The following KDELR3 variants were observed in gnomAD, a reference collection of about 807,000 sequenced individuals.
KDELR3 encodes KDEL endoplasmic reticulum protein retention receptor 3, also known as ER lumen protein-retaining receptor 3.
Under a neutral mutation model 22.7 loss-of-function variants are expected in KDELR3, and 26 were observed. That is an observed-to-expected ratio of 1.15 (90% CI 0.84 to 1.59). The LOEUF is 1.59. Among genes scored for constraint, KDELR3 ranks in the 40% most tolerant of loss-of-function variants. The pLI, the probability that KDELR3 is intolerant of heterozygous loss-of-function variation, is 0.00. For missense variants in KDELR3, 289 were observed against 251.1 expected (o/e 1.15, Z -1.02); for synonymous variants, 120 against 98.2 (o/e 1.22, Z -1.31).
At chr22:38,479,497 G>C (rs1297590472) in intron 2 of KDELR3, 96 bp from the exon 3 acceptor site, 12 of 1,160,936 alleles carry the variant, frequency 1.0e-5, no homozygotes, top group African/African-American at 3.1e-5. Context: ...CATTATGGCA[G>C]AACACTGACC....
At chr22:38,474,290 A>T (rs2089543571) in intron 1 of KDELR3, 1 of 412,650 alleles carries the variant, frequency 2.4e-6, no homozygotes, top group African/African-American at 2.1e-5. Flanking sequence ...TCGTGTCTTT[A>T]TTTGGAGACT....
At chr22:38,482,436 G>C (rs2089610349) in intron 4 of KDELR3, 60 bp from the exon 5 acceptor site, 3 of 1,362,724 alleles carry the variant, frequency 2.2e-6, no homozygotes, top group Non-Finnish European at 3.2e-6. Flanking sequence ...TATGCATCAA[G>C]TTATAAAGCA....
In KDELR3 at chr22:38,481,382, T is replaced by C; in HGVS notation, c.522T>C (p.Asn174=). Reference sequence around the variant, plus strand: ...GGATCAGGCGGTACCAGACTGAGAATTTCTATGACCAAATTGCAGTCGTGT... The same window carrying C: ...GGATCAGGCGGTACCAGACTGAGAACTTCTATGACCAAATTGCAGTCGTGT... ...ANWIRRYQTE[N]FYDQIAVVSG... Residue 174 remains asparagine, a synonymous_variant, in exon 4 of 5, where the codon AAT becomes AAC. Transcript: ENST00000216014. The C allele has an allele frequency of 1.2e-6, 2 of 1,614,204 alleles. No homozygotes were observed. The highest frequency in any genetic ancestry group is 1.7e-6 in the Non-Finnish European group (2 of 1,180,036).
rs780968105 is a variant in KDELR3 at position 38,474,576 on chromosome 22, C to A, written c.145C>A (p.Leu49Met). Residue 49 changes from leucine to methionine, a missense_variant, in exon 2 of 5, where the codon CTG becomes ATG. Physicochemically the swap from Leu to Met is conservative, Grantham distance 15. Coordinates refer to ENST00000216014, the MANE Select transcript of KDELR3 (RefSeq NM_006855.4). ...LFALVFTTRYLDLFTNFISIY... is the reference protein window; with the variant it reads ...LFALVFTTRYMDLFTNFISIY... Reference sequence around the variant, plus strand: ...TGCTCTCGTCTTCACCACCAGGTACCTGGACCTGTTCACCAACTTCATCTC... The same window carrying A: ...TGCTCTCGTCTTCACCACCAGGTACATGGACCTGTTCACCAACTTCATCTC... The A allele has an allele frequency of 6.2e-7, 1 of 1,613,946 alleles. No homozygotes were observed. The highest frequency in any genetic ancestry group is 2.2e-5 in the East Asian group (1 of 44,876).
At position 38,474,512 on chromosome 22, in the gene KDELR3, C is replaced by G; in HGVS notation, c.92-11C>G. On this transcript the variant is annotated splice_polypyrimidine_tract_variant and intron_variant, in intron 1 of 4. Coordinates refer to ENST00000216014, the MANE Select transcript of KDELR3 (RefSeq NM_006855.4). Reference sequence around the variant, plus strand: ...GTGTCCTCATTGTCTCCTGTCTACCCTTGGCCACAGGCATCTCTGGGAAGA... The same window carrying G: ...GTGTCCTCATTGTCTCCTGTCTACCGTTGGCCACAGGCATCTCTGGGAAGA... The G allele has an allele frequency of 2.5e-6, 4 of 1,609,728 alleles. No individual in the cohort carries two copies. The highest frequency in any genetic ancestry group is 3.4e-6 in the Non-Finnish European group (4 of 1,176,450).
chr22:38,481,341 C>G lies in KDELR3; in HGVS notation c.481C>G (p.Leu161Val). ...YLFFLGLYRA[L>V]YLANWIRRYQ... is the part of the protein sequence containing the mutation. Reference sequence around the variant, plus strand: ...GTTCTTTCTGGGTCTGTACCGGGCACTCTACCTGGCTAACTGGATCAGGCG... The same window carrying G: ...GTTCTTTCTGGGTCTGTACCGGGCAGTCTACCTGGCTAACTGGATCAGGCG... Residue 161 changes from leucine (L) to valine (V), a missense_variant, in exon 4 of 5, where the codon CTC becomes GTC. Leu to Val is a conservative substitution (Grantham distance 32). Coordinates refer to ENST00000216014, the MANE Select transcript of KDELR3 (RefSeq NM_006855.4). The G allele has an allele frequency of 1.2e-6, 2 of 1,614,218 alleles. No individual in the cohort carries two copies. The highest frequency in any genetic ancestry group is 1.7e-6 in the Non-Finnish European group (2 of 1,180,048).
intron 1 of KDELR3, among the ~76,000 whole-genome samples, chr22:38,471,837 G>A (rs2089526913): frequency 6.6e-6 from 1 of 151,718 alleles, no homozygotes; most frequent in Non-Finnish European, 1.5e-5. Context: ...GGTAGCATGT[G>A]CCTGTAGTCC....
Position 38,482,568 on chromosome 22 carries a change from G to A in KDELR3, c.*32G>A. ...TCAGAGACAGTCTACGCCTTAACAA[G>A]CACATGAAGGAAACTATTTTGAATG... On this transcript the variant is annotated 3_prime_UTR_variant, in exon 5 of 5. Transcript: ENST00000216014. 6.4e-7 allele frequency: 1 copy of A among 1,566,854 alleles called. No individual in the cohort carries two copies. The highest frequency in any genetic ancestry group is 8.8e-7 in the Non-Finnish European group (1 of 1,139,558).
intron 2 of KDELR3, among the ~76,000 whole-genome samples, chr22:38,475,748 C>T (rs2089553598): frequency 6.6e-6 from 1 of 152,138 alleles, no homozygotes; most frequent in Non-Finnish European, 1.5e-5. Context: ...TGCCTTGTGC[C>T]TCAGCCTCCC....
At chr22:38,477,535 A>G (rs1052323696) in intron 2 of KDELR3, among the ~76,000 whole-genome samples, 2 of 152,156 alleles carry the variant, frequency 1.3e-5, no homozygotes, top group Admixed American at 6.5e-5. Context: ...CAAGGGTTCC[A>G]TGGGGGAATT....
rs1304758974 is a variant in KDELR3, at chr22:38,479,491, A to G, written c.193-102A>G. On this transcript the variant is annotated intron_variant, in intron 2 of 4. Coordinates refer to ENST00000216014, the MANE Select transcript of KDELR3 (RefSeq NM_006855.4). ...ACATTTAACCTCTTCATGTTACATT[A>G]TGGCAGAACACTGACCCTTAGGTTT... is the stretch of plus-strand genomic sequence containing the variant. 5 of 1,084,392 alleles carry G rather than the reference A, an allele frequency of 4.6e-6. No homozygotes were observed. The African/African-American group carries it at 6.3e-5, about 14-fold the overall frequency. 67.2% of individuals were successfully genotyped at this position (1,084,392 alleles called of 1,614,324 possible).
chr22:38,481,339 C>A lies in KDELR3; in HGVS notation c.479C>A (p.Ala160Glu), dbSNP rs1380747854. 2 of 1,614,188 alleles carry A rather than the reference C, an allele frequency of 1.2e-6. No homozygotes were observed. The highest frequency in any genetic ancestry group is 2.2e-5 in the South Asian group (2 of 91,088). ...CTGTTCTTTCTGGGTCTGTACCGGG[C>A]ACTCTACCTGGCTAACTGGATCAGG... ...HYLFFLGLYRALYLANWIRRY... is the reference protein window; with the variant it reads ...HYLFFLGLYRELYLANWIRRY... Residue 160 changes from alanine to glutamate, a missense_variant, in exon 4 of 5, where the codon GCA becomes GAA. Ala to Glu is a moderately radical substitution (Grantham distance 107). Coordinates refer to ENST00000216014, the MANE Select transcript of KDELR3 (RefSeq NM_006855.4).
At chr22:38,479,149 C>A (rs376680348) in intron 2 of KDELR3, among the ~76,000 whole-genome samples, 4 of 151,722 alleles carry the variant, frequency 2.6e-5, no homozygotes, top group African/African-American at 4.9e-5. Flanking sequence ...GAGGATCACT[C>A]GACCCCAGGG....
In KDELR3 at chr22:38,476,871, A is replaced by G. The variant is rs908653275; in HGVS notation, c.192+2248A>G. ...AGACAGAGTGGAGTGCAGTGGCACG[A>G]TCTTGGCTCACTGCAGTCTCTGCTC... On this transcript the variant is annotated intron_variant, in intron 2 of 4. Transcript: ENST00000216014. Among the ~76,000 whole-genome samples, 16 of 114,944 alleles carry G rather than the reference A, an allele frequency of 1.4e-4. No individual in the cohort carries two copies. In the East Asian group the frequency reaches 3.6e-3, roughly 26 times the overall value. The allele number at this position is 114,944 out of a possible 152,430, so 75.4% of individuals were successfully genotyped here.
Position 38,477,769 on chromosome 22 carries a change from T to G in KDELR3, c.193-1824T>G, listed in dbSNP as rs1324619680. ...CTGAGGACTGGAAATCACCGTCTAC[T>G]TAAGTTCACACATGTATCAAACATC... On this transcript the variant is annotated intron_variant, in intron 2 of 4. Coordinates refer to ENST00000216014, the MANE Select transcript of KDELR3 (RefSeq NM_006855.4). Among the ~76,000 whole-genome samples the G allele has an allele frequency of 2.0e-5, 3 of 152,202 alleles. No homozygotes were observed. In the East Asian group the frequency reaches 5.8e-4, roughly 29 times the overall value.
chr22:38,469,464 G>T (rs2089510262), intron 1 of KDELR3, among the ~76,000 whole-genome samples: 1 of 152,164 alleles, frequency 6.6e-6, no homozygotes, highest in African/African-American at 2.4e-5. Flanking sequence ...GGCCTGGCAG[G>T]GTGGGGGTTG....
At chr22:38,476,889 C>G (rs1457846766) in intron 2 of KDELR3, among the ~76,000 whole-genome samples, 1 of 272 alleles carries the variant, frequency 3.7e-3, no homozygotes. Context: ...TCACTGCAGT[C>G]TCTGCTCCCG....
intron 1 of KDELR3, among the ~76,000 whole-genome samples, chr22:38,471,113 C>T (rs928501419): frequency 6.6e-6 from 1 of 152,164 alleles, no homozygotes; most frequent in Non-Finnish European, 1.5e-5. Context: ...CATTGCACTC[C>T]AGCCTGGGCA....
chr22:38,477,419 G>A (rs1301080195), intron 2 of KDELR3, among the ~76,000 whole-genome samples: 2 of 150,226 alleles, frequency 1.3e-5, no homozygotes, highest in African/African-American at 2.5e-5. Context: ...TGGCCGGGCT[G>A]GTCTCGAACT....
Sources: allele counts gnomAD v4.1 joint callset (sites outside exome capture counted in the v4.1 genomes callset), GRCh38; gene constraint gnomAD v4.1.1; transcripts MANE v1.5; gene names NCBI Gene and HGNC (gene_info 2026-07-23, HGNC 2026-07-21).